Variants in SEC22C observed in about 807,000 individuals in gnomAD.
The protein encoded by SEC22C is vesicle-trafficking protein SEC22c.
In SEC22C, 29 loss-of-function variants were observed where a neutral mutation model predicts 34.7. The observed-to-expected ratio is 0.84, with a 90% CI of 0.62 to 1.14. The LOEUF (loss-of-function observed/expected upper bound fraction) is 1.14. SEC22C is among the 50% of genes most tolerant of loss of function. The pLI is 0.00. For synonymous variants in SEC22C, 117 were observed against 132.8 expected, an observed-to-expected ratio of 0.88 and a Z score of 0.82; for missense variants, 337 against 369.0, an observed-to-expected ratio of 0.91 and a Z score of 0.71.
At chr3:42,563,758 A>C in intron 2 of SEC22C, 72 bp from the exon 3 acceptor site, 2 of 1,600,534 alleles carry the variant, frequency 1.2e-6, no homozygotes, top group Non-Finnish European at 1.7e-6. Context: ...CCCAGACACA[A>C]CCTTACCTGA....
In SEC22C at chr3:42,570,800, C is replaced by T. The variant is rs572894511; in HGVS notation, c.-27-1727G>A. ...GTATTTGAAATATTTAATTTTAAAA[C>T]ATTTTTTAAAAAGAGTTATAGGGCA... On this transcript the variant is annotated intron_variant, in intron 1 of 6. Transcript: ENST00000264454. Among the ~76,000 whole-genome samples the T allele has an allele frequency of 7.2e-5, 11 of 152,220 alleles. No homozygotes were observed. In the East Asian group the frequency reaches 2.1e-3, roughly 29 times the overall value.
upstream of SEC22C, among the ~76,000 whole-genome samples, chr3:42,585,034 C>G (rs1169504273): frequency 6.6e-6 from 1 of 152,156 alleles, no homozygotes; most frequent in Non-Finnish European, 1.5e-5. Flanking sequence ...GAGGCTGAGG[C>G]AGGAGAATCA....
At chr3:42,587,555 C>T (rs1006304929) in intron 1 of SEC22C, 12 of 151,710 alleles carry the variant, frequency 7.9e-5, no homozygotes, top group South Asian at 6.3e-4. Flanking sequence ...AGTGGAACCC[C>T]GTCTCTACTG....
intron 1 of SEC22C, among the ~76,000 whole-genome samples, chr3:42,589,598 T>C (rs903455768): frequency 6.6e-6 from 1 of 152,170 alleles, no homozygotes; most frequent in African/African-American, 2.4e-5. Flanking sequence ...CCCCCTCAGA[T>C]CAGCGGGGGC....
At position 42,552,041 on chromosome 3, in the gene SEC22C, C is replaced by G; in HGVS notation, c.*1207G>C. 1.0e-6 allele frequency: 1 copy of G among 985,428 alleles called. No individual in the cohort carries two copies. Among genetic ancestry groups the G allele is most frequent in the Non-Finnish European group, 1.2e-6 (1 of 829,926 alleles). 61.0% of individuals were successfully genotyped at this position (985,428 alleles called of 1,614,324 possible). A position where few individuals can be genotyped will look rare whatever the true frequency, so the allele number is the denominator to read the frequency against. ...AAATGACCTCCTGCGTGGTACAAAACAAGCCAGGCTGAAATTTCGGGAAAC... is the reference window on the plus strand; with the variant it reads ...AAATGACCTCCTGCGTGGTACAAAAGAAGCCAGGCTGAAATTTCGGGAAAC... On this transcript the variant is annotated 3_prime_UTR_variant, in exon 7 of 7. Coordinates refer to ENST00000264454, the MANE Select transcript of SEC22C (RefSeq NM_032970.4).
At chr3:42,569,148 C>A (rs1162914231) in intron 1 of SEC22C, 75 bp from the exon 2 acceptor site, 2 of 927,268 alleles carry the variant, frequency 2.2e-6, no homozygotes, top group Non-Finnish European at 3.3e-6. Flanking sequence ...GTGAAATGCC[C>A]ACTCTAGGGT....
At position 42,559,736 on chromosome 3, in the gene SEC22C, C is replaced by T. The variant is rs940290495; in HGVS notation, c.526+1381G>A. Among the ~76,000 whole-genome samples, 5 of 151,962 alleles carry T rather than the reference C, an allele frequency of 3.3e-5. No homozygotes were observed. The East Asian group carries it at 5.8e-4, about 18-fold the overall frequency. On this transcript the variant is annotated intron_variant, in intron 4 of 6. Coordinates refer to ENST00000264454, the MANE Select transcript of SEC22C (RefSeq NM_032970.4). ...GCTCTTATGCCATTATAGAATTCTTCGAATATAAATATCCAATTGAATTAA... is the reference window on the plus strand; with the variant it reads ...GCTCTTATGCCATTATAGAATTCTTTGAATATAAATATCCAATTGAATTAA...
chr3:42,597,144 G>C (rs1015287585), intron 1 of SEC22C, among the ~76,000 whole-genome samples: 2 of 152,206 alleles, frequency 1.3e-5, no homozygotes, highest in African/African-American at 4.8e-5. Flanking sequence ...TCAGCCTACA[G>C]ACTGCTCCTC....
At chr3:42,594,330 C>G in intron 1 of SEC22C, 1 of 894,644 alleles carries the variant, frequency 1.1e-6, no homozygotes, top group East Asian at 2.5e-5. Context: ...GTGGATGAGC[C>G]ATTCCACTAG....
rs1705328453 is a variant in SEC22C, at chr3:42,600,878, G to A, written c.-28+82C>T. 5 of 655,530 alleles carry A rather than the reference G, an allele frequency of 7.6e-6. No individual in the cohort carries two copies. The Admixed American group carries it at 1.7e-4, about 23-fold the overall frequency. The allele number at this position is 655,530 out of a possible 1,614,324, so 40.6% of individuals were successfully genotyped here. On this transcript the variant is annotated intron_variant, in intron 1 of 6. Transcript: ENST00000417572. The stretch of plus-strand genomic sequence containing the variant: ...GCCTCCTGCGCTGTCGCGACGGGCC[G>A]GCGTGAGGCACCGTGGCGCGGACTT...
rs1702186274 is a variant in SEC22C, at chr3:42,550,318, A to G, written c.*2930T>C. 1.4e-5 allele frequency: 14 copies of G among 985,480 alleles called. No individual in the cohort carries two copies. Among genetic ancestry groups the G allele is most frequent in the Non-Finnish European group, 1.6e-5 (13 of 829,942 alleles). 61.0% of individuals were successfully genotyped at this position (985,480 alleles called of 1,614,324 possible). On this transcript the variant is annotated 3_prime_UTR_variant, in exon 7 of 7. Transcript: ENST00000264454. ...GGTAGCATTTAACTACTGGGAAAAC[A>G]AAAGTGCTACAACAACAGTGAGTCC...
intron 1 of SEC22C, among the ~76,000 whole-genome samples, chr3:42,576,414 T>C (rs1167800508): frequency 6.6e-6 from 1 of 152,130 alleles, no homozygotes; most frequent in Non-Finnish European, 1.5e-5. Context: ...AAGTTGGTCC[T>C]TTGGACAGAG....
At chr3:42,600,227 T>C (rs1705231743) in intron 1 of SEC22C, among the ~76,000 whole-genome samples, 1 of 152,104 alleles carries the variant, frequency 6.6e-6, no homozygotes, top group Non-Finnish European at 1.5e-5. Context: ...AGGAACGCAT[T>C]CTTCAGCCTA....
Position 42,555,981 on chromosome 3 carries a change from T to C in SEC22C, c.660A>G (p.Glu220=). ...AEHSLQVAHE[E]IGNILAFLVP... is the part of the protein sequence containing the mutation. Reference sequence around the variant, plus strand: ...CAAGAAAAGCCAGAATGTTTCCAATTTCCTCATGGGCAACCTAAAACAAAT... The same window carrying C: ...CAAGAAAAGCCAGAATGTTTCCAATCTCCTCATGGGCAACCTAAAACAAAT... Residue 220 remains glutamate (E), a synonymous_variant, in exon 6 of 7, where the codon GAA becomes GAG. Transcript: ENST00000264454. 6.2e-7 allele frequency: 1 copy of C among 1,613,358 alleles called. No homozygotes were observed. The highest frequency in any genetic ancestry group is 1.1e-5 in the South Asian group (1 of 90,934).
chr3:42,580,225 G>A (rs989541564), intron 1 of SEC22C, among the ~76,000 whole-genome samples: 3 of 152,126 alleles, frequency 2.0e-5, no homozygotes, highest in Non-Finnish European at 4.4e-5. Context: ...TGCACTGAGA[G>A]AGAGAGAGGC....
Position 42,553,038 on chromosome 3 carries a change from T to C in SEC22C, c.*210A>G, listed in dbSNP as rs1050457684. 2.3e-5 allele frequency: 33 copies of C among 1,404,382 alleles called. No homozygotes were observed. The African/African-American group carries it at 4.2e-4, about 18-fold the overall frequency. 87.0% of individuals were successfully genotyped at this position (1,404,382 alleles called of 1,614,324 possible). A position where few individuals can be genotyped will look rare whatever the true frequency, so the allele number is the denominator to read the frequency against. Reference sequence around the variant, plus strand: ...GTAAACGTGCTGAACTGGCTGGAGATCCTGCAGTAATGCTTGGCACAGAAC... The same window carrying C: ...GTAAACGTGCTGAACTGGCTGGAGACCCTGCAGTAATGCTTGGCACAGAAC... On this transcript the variant is annotated 3_prime_UTR_variant, in exon 7 of 7. Transcript: ENST00000264454.
Position 42,568,869 on chromosome 3 carries a change from T to A in SEC22C, c.178A>T (p.Ile60Leu), listed in dbSNP as rs749539825. ...AAAGTGAATATGATCACTTACTGTA[T>A]ACTAAAGTCACAACCTTCTGCAGAA... is the stretch of plus-strand genomic sequence containing the variant. ...RGSAEGCDFS[I>L]HFSSFGDVAC... The change falls in exon 2 of 7, where the codon ATA becomes TTA. Residue 60 changes from isoleucine to leucine, a missense_variant. Physicochemically the swap from Ile to Leu is conservative, Grantham distance 5. Coordinates refer to ENST00000264454, the MANE Select transcript of SEC22C (RefSeq NM_032970.4). 1.2e-6 allele frequency: 2 copies of A among 1,613,998 alleles called. No homozygotes were observed. The highest frequency in any genetic ancestry group is 4.5e-5 in the East Asian group (2 of 44,898).
At chr3:42,576,203 A>G (rs2125721996) in intron 1 of SEC22C, among the ~76,000 whole-genome samples, 1 of 152,312 alleles carries the variant, frequency 6.6e-6, no homozygotes, top group South Asian at 2.1e-4. Context: ...CACAGCTAAA[A>G]CAGTACCGAG....
chr3:42,554,488 G>A (rs1702407822), intron 6 of SEC22C, among the ~76,000 whole-genome samples: 1 of 152,034 alleles, frequency 6.6e-6, no homozygotes, highest in Admixed American at 6.6e-5. Context: ...GGGACTACAG[G>A]TATGCACCAC....
Sources: gnomAD v4.1 joint callset for allele counts (sites outside exome capture counted in the v4.1 genomes callset) on GRCh38, gnomAD v4.1.1 for gene constraint, MANE v1.5 for transcripts, NCBI Gene and HGNC (gene_info 2026-07-23, HGNC 2026-07-21) for gene names.